The following GTF2A1 variants were observed in gnomAD, a reference collection of about 807,000 sequenced individuals.
GTF2A1 encodes the protein general transcription factor IIA subunit 1.
GTF2A1 carries 12 observed loss-of-function variants against 54.1 expected under a neutral mutation model. That is an observed-to-expected ratio of 0.22 (90% CI 0.14 to 0.36). The LOEUF is 0.36. GTF2A1 is among the 10% of genes least tolerant of loss of function. The probability of loss-of-function intolerance (pLI) is 1.00; values close to 1 mark genes in which losing one functional copy is unlikely to be tolerated. For synonymous variants in GTF2A1, 145 were observed against 152.0 expected, an observed-to-expected ratio of 0.95 and a Z score of 0.34; for missense variants, 335 against 442.2, an observed-to-expected ratio of 0.76 and a Z score of 2.17.
In GTF2A1 at chr14:81,180,154, A is replaced by G; in HGVS notation, c.*69T>C. 1 of 697,232 alleles carries G rather than the reference A, an allele frequency of 1.4e-6. No individual in the cohort carries two copies. The highest frequency in any genetic ancestry group is 2.5e-6 in the Non-Finnish European group (1 of 402,098). The allele number at this position is 697,232 out of a possible 1,614,324, so 43.2% of individuals were successfully genotyped here. A position where few individuals can be genotyped will look rare whatever the true frequency, so the allele number is the denominator to read the frequency against. On this transcript the variant is annotated 3_prime_UTR_variant, in exon 9 of 9. Coordinates refer to ENST00000553612, the MANE Select transcript of GTF2A1 (RefSeq NM_015859.4). ...CGAAGTTTTGGTTGGCATATGCCCC[A>G]AGTTTCAAACTGTCCGCTTTACATT...
At position 81,177,382 on chromosome 14, in the gene GTF2A1, C is replaced by T. The variant is rs1160187047; in HGVS notation, c.*2841G>A. On this transcript the variant is annotated 3_prime_UTR_variant, in exon 9 of 9. Coordinates refer to ENST00000553612, the MANE Select transcript of GTF2A1 (RefSeq NM_015859.4). ...TTGCACATTAAAGAGTTGTTTTAGC[C>T]ATATGTGGCACTCCACAGAAATTAA... 1.3e-5 allele frequency: 2 copies of T among 152,120 alleles called. No individual in the cohort carries two copies. The highest frequency in any genetic ancestry group is 2.9e-5 in the Non-Finnish European group (2 of 67,972). The allele number at this position is 152,120 out of a possible 1,614,324, so 9.4% of individuals were successfully genotyped here.
chr14:81,220,496 T>C lies in GTF2A1; in HGVS notation c.23A>G (p.Asn8Ser). The C allele has an allele frequency of 6.3e-7, 1 of 1,574,860 alleles. No homozygotes were observed. The highest frequency in any genetic ancestry group is 2.3e-5 in the East Asian group (1 of 42,794). Residue 8 changes from asparagine (N) to serine (S), a missense_variant, in exon 1 of 9, where the codon AAC becomes AGC. Asn to Ser is a conservative substitution (Grantham distance 46). Coordinates refer to ENST00000553612, the MANE Select transcript of GTF2A1 (RefSeq NM_015859.4). MANSANT[N>S]TVPKLYRSVI... ...ACCGAACCACGTCCTTACCACGGTG[T>C]TTGTATTTGCCGAGTTCGCCATTTC...
rs931328559 is a variant in GTF2A1, at chr14:81,175,717, G to A, written c.*4506C>T. 6.6e-6 allele frequency: 1 copy of A among 152,070 alleles called. No homozygotes were observed. Among genetic ancestry groups the A allele is most frequent in the African/African-American group, 2.4e-5 (1 of 41,404 alleles). The allele number at this position is 152,070 out of a possible 1,614,324, so 9.4% of individuals were successfully genotyped here. A position where few individuals can be genotyped will look rare whatever the true frequency, so the allele number is the denominator to read the frequency against. On this transcript the variant is annotated 3_prime_UTR_variant, in exon 9 of 9. Transcript: ENST00000553612. ...ATAACCTCTGAACTAAGAGGAAGTG[G>A]TTTGACTAAACAGAGAAATAACAAT...
At chr14:81,193,633 A>T (rs1412351587) in intron 6 of GTF2A1, among the ~76,000 whole-genome samples, 1 of 152,190 alleles carries the variant, frequency 6.6e-6, no homozygotes, top group Non-Finnish European at 1.5e-5. Flanking sequence ...CCATACCCCT[A>T]ATATTCTGAC....
chr14:81,179,479 T>G lies in GTF2A1; in HGVS notation c.*744A>C, dbSNP rs188193769. The stretch of plus-strand genomic sequence containing the variant: ...AAAAGAAACAAATTAAGTTTTTCTG[T>G]AAGGAAATTAAAGTTGTGGTTTCAA... On this transcript the variant is annotated 3_prime_UTR_variant, in exon 9 of 9. Transcript: ENST00000553612. The G allele has an allele frequency of 2.0e-5, 3 of 152,334 alleles. No homozygotes were observed. Among genetic ancestry groups the G allele is most frequent in the African/African-American group, 7.2e-5 (3 of 41,584 alleles). The allele number at this position is 152,334 out of a possible 1,614,324, so 9.4% of individuals were successfully genotyped here.
intron 3 of GTF2A1, 26 bp from the exon 4 acceptor site, chr14:81,201,684 A>C (rs753646325): frequency 3.9e-6 from 6 of 1,536,462 alleles, no homozygotes; most frequent in Non-Finnish European, 5.4e-6. Flanking sequence ...CGAACATGCA[A>C]ACAAGGAACC....
At chr14:81,203,213 T>C (rs1893152475) in intron 3 of GTF2A1, among the ~76,000 whole-genome samples, 1 of 152,244 alleles carries the variant, frequency 6.6e-6, no homozygotes, top group Non-Finnish European at 1.5e-5. Context: ...CCTTATAAGA[T>C]GCCAGTGAAA....
chr14:81,178,309 T>C lies in GTF2A1; in HGVS notation c.*1914A>G, dbSNP rs1410569772. The C allele has an allele frequency of 6.6e-6, 1 of 152,160 alleles. No homozygotes were observed. The highest frequency in any genetic ancestry group is 1.5e-5 in the Non-Finnish European group (1 of 68,016). The allele number at this position is 152,160 out of a possible 1,614,324, so 9.4% of individuals were successfully genotyped here. On this transcript the variant is annotated 3_prime_UTR_variant, in exon 9 of 9. Transcript: ENST00000553612. ...AAATACAAACCTACTAGCAACTATATTGAAGAACAGTTGAACAACAGCACT... is the reference window on the plus strand; with the variant it reads ...AAATACAAACCTACTAGCAACTATACTGAAGAACAGTTGAACAACAGCACT...
In GTF2A1 at chr14:81,194,374, TAAG is replaced by T. The variant is rs1020299505; in HGVS notation, c.613-1538_613-1536del. ...TCAAAAAGCTAAGAGACTGCTGCTT[TAAG>T]GAGATTAGCCAGGTTTTTCTATTTG... On this transcript the variant is annotated intron_variant, in intron 6 of 8. Transcript: ENST00000553612. Among the ~76,000 whole-genome samples, 17 of 152,216 alleles carry T rather than the reference TAAG, an allele frequency of 1.1e-4. 1 individual carries two copies. The highest frequency in any genetic ancestry group is 2.2e-4 in the Non-Finnish European group (15 of 68,038).
intron 2 of GTF2A1, among the ~76,000 whole-genome samples, chr14:81,211,875 T>TTTTATATATA (rs1555390540): frequency 1.5e-5 from 1 of 68,488 alleles, no homozygotes; most frequent in East Asian, 3.1e-4. Context: ...ATCAAGTACT[T>TTTTATATATA]TATATATATA....
intron 7 of GTF2A1, among the ~76,000 whole-genome samples, chr14:81,186,009 C>T (rs1324062270): frequency 6.6e-6 from 1 of 152,200 alleles, no homozygotes; most frequent in Admixed American, 6.5e-5. Context: ...CGCGCCACCA[C>T]ACCCAGCTAA....
intron 2 of GTF2A1, among the ~76,000 whole-genome samples, chr14:81,213,593 C>T (rs904604300): frequency 2.4e-4 from 36 of 152,130 alleles, no homozygotes; most frequent in African/African-American, 8.4e-4. Context: ...TTCCACGTTA[C>T]ACTAAGGAAT....
At chr14:81,185,294 G>T (rs1351276803) in intron 8 of GTF2A1, among the ~76,000 whole-genome samples, 2 of 152,148 alleles carry the variant, frequency 1.3e-5, no homozygotes, top group East Asian at 3.8e-4. Context: ...AATAGAAAAA[G>T]AAGATCGTAG....
At chr14:81,186,406 A>G (rs1892746480) in intron 7 of GTF2A1, among the ~76,000 whole-genome samples, 1 of 152,204 alleles carries the variant, frequency 6.6e-6, no homozygotes, top group African/African-American at 2.4e-5. Context: ...CATGTTTAGC[A>G]TGATGATGGT....
Position 81,192,761 on chromosome 14 carries a change from T to C in GTF2A1, c.691A>G (p.Asn231Asp). ...IQPQQILFTG[N>D]KTQVIPTTVA... ...GTCGTAGGTATAACTTGAGTCTTATTTCCTGTAAATAAGATTTGCTGAGGC... is the reference window on the plus strand; with the variant it reads ...GTCGTAGGTATAACTTGAGTCTTATCTCCTGTAAATAAGATTTGCTGAGGC... Residue 231 changes from asparagine to aspartate, a missense_variant, in exon 7 of 9, where the codon AAT becomes GAT. Coordinates refer to ENST00000553612, the MANE Select transcript of GTF2A1 (RefSeq NM_015859.4). The C allele has an allele frequency of 6.2e-7, 1 of 1,613,588 alleles. No individual in the cohort carries two copies. Among genetic ancestry groups the C allele is most frequent in the Non-Finnish European group, 8.5e-7 (1 of 1,179,464 alleles).
chr14:81,190,135 C>T (rs1234655806), intron 7 of GTF2A1, among the ~76,000 whole-genome samples: 2 of 151,654 alleles, frequency 1.3e-5, no homozygotes, highest in Non-Finnish European at 2.9e-5. Context: ...TATAGAGAGT[C>T]CTAGAAAAAT....
chr14:81,182,203 A>G (rs1892653833), intron 8 of GTF2A1, among the ~76,000 whole-genome samples: 1 of 152,208 alleles, frequency 6.6e-6, no homozygotes, highest in Admixed American at 6.5e-5. Flanking sequence ...AAAGCAAAAC[A>G]AAGCACAATA....
intron 6 of GTF2A1, among the ~76,000 whole-genome samples, chr14:81,194,104 T>C (rs928032902): frequency 6.6e-6 from 1 of 152,218 alleles, no homozygotes; most frequent in African/African-American, 2.4e-5. Flanking sequence ...TGTTAGAAAC[T>C]GGGCTGCACA....
At chr14:81,202,688 A>G (rs1893139859) in intron 3 of GTF2A1, 1 of 517,212 alleles carries the variant, frequency 1.9e-6, no homozygotes, top group African/African-American at 1.9e-5. Context: ...TAAGCGTAAA[A>G]GGAATTACAT....
Sources: allele counts gnomAD v4.1 joint callset (sites outside exome capture counted in the v4.1 genomes callset), GRCh38; gene constraint gnomAD v4.1.1; transcripts MANE v1.5; gene names NCBI Gene and HGNC (gene_info 2026-07-23, HGNC 2026-07-21).